TENM3: variants seen among roughly 807,000 people sequenced by gnomAD.
The protein encoded by TENM3 is teneurin-3.
Under a neutral mutation model 255.1 loss-of-function variants are expected in TENM3, and 63 were observed. The observed-to-expected ratio is 0.25, with a 90% CI of 0.20 to 0.30. The LOEUF is 0.30. Among genes scored for constraint, TENM3 ranks in the 10% least tolerant of loss-of-function variants. TENM3 has a pLI of 1.00. For missense variants in TENM3, 2,929 were observed against 3,461.1 expected, an observed-to-expected ratio of 0.85 and a Z score of 3.86; for synonymous variants, 1,306 against 1,322.3, an observed-to-expected ratio of 0.99 and a Z score of 0.27.
intron 3 of TENM3, among the ~76,000 whole-genome samples, chr4:182,591,586 A>T (rs1033264617): frequency 6.6e-6 from 1 of 152,234 alleles, no homozygotes; most frequent in African/African-American, 2.4e-5. Flanking sequence ...ATTTACAGGC[A>T]ACTATCTGAC....
chr4:182,373,358 AT>A (rs967349184), intron 3 of TENM3, among the ~76,000 whole-genome samples: 19 of 152,122 alleles, frequency 1.2e-4, no homozygotes, highest in African/African-American at 4.1e-4. Context: ...AGGCTGGGTA[AT>A]TTATAACGAA....
At chr4:182,482,459 A>G (rs1734291839) in intron 3 of TENM3, among the ~76,000 whole-genome samples, 1 of 152,192 alleles carries the variant, frequency 6.6e-6, no homozygotes, top group African/African-American at 2.4e-5. Context: ...ATTTTAAAAA[A>G]ATTACCCTTC....
chr4:181,705,320 G>C, the TENM3 span, among the ~76,000 whole-genome samples: 1 of 152,084 alleles, frequency 6.6e-6, no homozygotes, highest in Non-Finnish European at 1.5e-5. Context: ...TATATACAAG[G>C]CTTTAGGGAA....
At chr4:182,277,693 C>T (rs1415113344) in intron 1 of TENM3, among the ~76,000 whole-genome samples, 1 of 152,188 alleles carries the variant, frequency 6.6e-6, no homozygotes, top group African/African-American at 2.4e-5. Flanking sequence ...GATAGAGTCC[C>T]AGTTCTCTAC....
chr4:182,685,448 A>G (rs1462335318), intron 11 of TENM3, among the ~76,000 whole-genome samples: 9 of 152,140 alleles, frequency 5.9e-5, no homozygotes, highest in Admixed American at 5.2e-4. Flanking sequence ...CCACCAACCA[A>G]CACTTACCCA....
intron 1 of TENM3, among the ~76,000 whole-genome samples, chr4:182,145,940 A>G (rs1026758784): frequency 6.6e-6 from 1 of 152,220 alleles, no homozygotes; most frequent in African/African-American, 2.4e-5. Context: ...AAAAGAAAAA[A>G]GGTGGATATG....
chr4:182,070,214 C>T, the TENM3 span, among the ~76,000 whole-genome samples: 1 of 152,132 alleles, frequency 6.6e-6, no homozygotes, highest in Non-Finnish European at 1.5e-5. Context: ...CATCTCCCCA[C>T]CTTGATTCTA....
chr4:181,613,212 C>T, the TENM3 span, among the ~76,000 whole-genome samples: 11 of 152,202 alleles, frequency 7.2e-5, no homozygotes, highest in African/African-American at 7.2e-5. Flanking sequence ...TTAGATGCTA[C>T]GTACGTGAAG....
chr4:182,083,025 G>A, the TENM3 span, among the ~76,000 whole-genome samples: 1 of 152,248 alleles, frequency 6.6e-6, no homozygotes, highest in South Asian at 2.1e-4. Context: ...ATTAGTAGCT[G>A]GAAGGACTTT....
the TENM3 span, among the ~76,000 whole-genome samples, chr4:182,119,728 A>C: frequency 2.0e-5 from 3 of 152,032 alleles, no homozygotes; most frequent in Admixed American, 6.5e-5. Context: ...TTCATTTTAG[A>C]TAGGGTCTTG....
intron 1 of TENM3, among the ~76,000 whole-genome samples, chr4:182,166,241 C>T (rs1751715413): frequency 6.6e-6 from 1 of 152,208 alleles, no homozygotes; most frequent in South Asian, 2.1e-4. Context: ...GGCACATTTG[C>T]AGCTTTCCAT....
Position 182,687,562 on chromosome 4 carries a change from T to C in TENM3, c.2036-604T>C, listed in dbSNP as rs577120094. 1.1e-4 allele frequency among the ~76,000 whole-genome samples: 17 copies of C among 152,342 alleles called. No individual in the cohort carries two copies. The East Asian group carries it at 2.7e-3, about 24-fold the overall frequency. ...TACTGTGGACTAAGAAATTTGTATC[T>C]GTCAACTGTACAAATTTACTGAATA... On this transcript the variant is annotated intron_variant, in intron 11 of 27. Coordinates refer to ENST00000511685, the MANE Select transcript of TENM3 (RefSeq NM_001080477.4).
At chr4:182,717,307 T>C (rs977740365) in intron 13 of TENM3, among the ~76,000 whole-genome samples, 3 of 152,150 alleles carry the variant, frequency 2.0e-5, no homozygotes, top group Admixed American at 6.5e-5. Context: ...AGGGAATTCC[T>C]TATGAGGAAT....
chr4:181,507,686 C>T, the TENM3 span, among the ~76,000 whole-genome samples: 2 of 152,224 alleles, frequency 1.3e-5, no homozygotes, highest in Non-Finnish European at 2.9e-5. Flanking sequence ...CTTTACAGCA[C>T]AGCAGATGGG....
intron 19 of TENM3, among the ~76,000 whole-genome samples, chr4:182,748,903 A>G (rs1470945490): frequency 1.3e-5 from 2 of 152,212 alleles, no homozygotes; most frequent in Admixed American, 6.5e-5. Context: ...TTGTTGCTTG[A>G]TGGAGAAATT....
chr4:181,597,457 T>A, the TENM3 span, among the ~76,000 whole-genome samples: 1 of 152,206 alleles, frequency 6.6e-6, no homozygotes, highest in East Asian at 1.9e-4. Context: ...TCTGCCAACA[T>A]CTGTATATTA....
At chr4:182,749,983 G>GAAAAA (rs201463686) in intron 19 of TENM3, among the ~76,000 whole-genome samples, 14 of 47,198 alleles carry the variant, frequency 3.0e-4, no homozygotes, top group Non-Finnish European at 6.9e-4. Flanking sequence ...TTATAGAAAG[G>GAAAAA]AAAAAAAAAA....
chr4:181,732,997 G>A, the TENM3 span, among the ~76,000 whole-genome samples: 1 of 152,168 alleles, frequency 6.6e-6, no homozygotes, highest in Non-Finnish European at 1.5e-5. Flanking sequence ...AAAGAAGGAG[G>A]AGAATGGACA....
intron 3 of TENM3, among the ~76,000 whole-genome samples, chr4:182,558,524 T>C (rs1365609675): frequency 6.6e-6 from 1 of 152,208 alleles, no homozygotes; most frequent in African/African-American, 2.4e-5. Flanking sequence ...ATGTTGTTTC[T>C]TAAAAGATAC....
Sources: allele counts gnomAD v4.1 joint callset (sites outside exome capture counted in the v4.1 genomes callset), GRCh38; gene constraint gnomAD v4.1.1; transcripts MANE v1.5; gene names NCBI Gene and HGNC (gene_info 2026-07-23, HGNC 2026-07-21).